SMG5: variants seen among roughly 807,000 people sequenced by gnomAD.
The protein encoded by SMG5 is nonsense-mediated mRNA decay factor SMG5.
Under a neutral mutation model 122.9 loss-of-function variants are expected in SMG5, and 53 were observed. That is an observed-to-expected ratio of 0.43 (90% CI 0.35 to 0.54). The LOEUF is 0.54. SMG5 is among the 20% of genes least tolerant of loss of function. SMG5 has a pLI of 0.01. For missense variants in SMG5, 1,153 were observed against 1,285.6 expected (o/e 0.90, Z 1.58); for synonymous variants, 477 against 490.2 (o/e 0.97, Z 0.35).
chr1:156,276,948 T>G, intron 4 of SMG5, 137 bp downstream of exon 4: 1 of 842,108 alleles, frequency 1.2e-6, no homozygotes, highest in Non-Finnish European at 1.8e-6. Context: ...AAATCCAAAC[T>G]TCATAAACCA....
chr1:156,267,349 A>T lies in SMG5; in HGVS notation c.1117+121T>A, dbSNP rs1048294624. Reference sequence around the variant, plus strand: ...GGCCCTTACTTGCCCACAGCCAAGCAGTGACACAGGAGTGAAGAGGCTGCT... The same window carrying T: ...GGCCCTTACTTGCCCACAGCCAAGCTGTGACACAGGAGTGAAGAGGCTGCT... On this transcript the variant is annotated intron_variant, in intron 10 of 21. Coordinates refer to ENST00000361813, the MANE Select transcript of SMG5 (RefSeq NM_015327.3). The T allele has an allele frequency of 1.1e-5, 11 of 981,084 alleles. No homozygotes were observed. In the South Asian group the frequency reaches 1.7e-4, roughly 15 times the overall value. 60.8% of individuals were successfully genotyped at this position (981,084 alleles called of 1,614,324 possible).
chr1:156,262,191 A>T (rs191858567), intron 13 of SMG5, among the ~76,000 whole-genome samples: 70 of 152,198 alleles, frequency 4.6e-4, no homozygotes, highest in African/African-American at 1.6e-3. Context: ...TCACCAGCTG[A>T]ATGCTTCATG....
intron 20 of SMG5, 191 bp downstream of exon 20, chr1:156,251,212 C>T (rs1022404914): frequency 1.1e-6 from 1 of 897,052 alleles, no homozygotes; most frequent in Admixed American, 2.2e-5. Context: ...AGAGGCTGAC[C>T]CATCTGCAGA....
At chr1:156,286,120 G>C, upstream of SMG5, 3 of 1,391,154 alleles carry the variant, frequency 2.2e-6, no homozygotes, top group Non-Finnish European at 3.0e-6. Flanking sequence ...CAGTCTGCAT[G>C]CCCATCTCCT....
Position 156,252,361 on chromosome 1 carries a change from T to C in SMG5, c.2753+53A>G. 3 of 1,559,888 alleles carry C rather than the reference T, an allele frequency of 1.9e-6. 1 individual carries two copies. The highest frequency in any genetic ancestry group is 1.7e-5 in the Admixed American group (1 of 59,756). On this transcript the variant is annotated intron_variant, in intron 19 of 21. Coordinates refer to ENST00000361813, the MANE Select transcript of SMG5 (RefSeq NM_015327.3). The stretch of plus-strand genomic sequence containing the variant: ...GCAAGGGGCTTTCATAAGCATGTGT[T>C]ATCCAAAAGACAGACCCAGGGCTCA...
At chr1:156,265,602 G>A (rs1284343978) in intron 12 of SMG5, among the ~76,000 whole-genome samples, 179 bp downstream of exon 12, 2 of 152,238 alleles carry the variant, frequency 1.3e-5, no homozygotes, top group Non-Finnish European at 2.9e-5. Flanking sequence ...ATGGGAATAA[G>A]GAAGTGAGCA....
At chr1:156,261,718 T>C (rs1307062313) in intron 13 of SMG5, among the ~76,000 whole-genome samples, 1 of 151,730 alleles carries the variant, frequency 6.6e-6, no homozygotes, top group African/African-American at 2.4e-5. Flanking sequence ...TGAAACCCCA[T>C]CCCTACTAAA....
At chr1:156,285,568 C>T (rs1445978776), upstream of SMG5, 6 of 1,614,110 alleles carry the variant, frequency 3.7e-6, no homozygotes, top group African/African-American at 6.7e-5. Flanking sequence ...AGGAGCTGCC[C>T]GAAGACGATG....
chr1:156,259,438 A>G (rs917906459), intron 15 of SMG5, among the ~76,000 whole-genome samples: 1 of 152,248 alleles, frequency 6.6e-6, no homozygotes, highest in Non-Finnish European at 1.5e-5. Flanking sequence ...AGCAAAGGAC[A>G]CTGGGCTGGA....
rs375296248 is a variant in SMG5, at chr1:156,266,423, G to A, written c.1256-43C>T. 5 of 1,600,958 alleles carry A rather than the reference G, an allele frequency of 3.1e-6. No individual in the cohort carries two copies. In the South Asian group the frequency reaches 4.5e-5, roughly 14 times the overall value. Reference sequence around the variant, plus strand: ...TCAGGTGGAGCCCGAGGAACAGGTGGAGCCTGGAAGCTGGAATGTGCTCTC... The same window carrying A: ...TCAGGTGGAGCCCGAGGAACAGGTGAAGCCTGGAAGCTGGAATGTGCTCTC... On this transcript the variant is annotated intron_variant, in intron 11 of 21. Coordinates refer to ENST00000361813, the MANE Select transcript of SMG5 (RefSeq NM_015327.3).
intron 18 of SMG5, 127 bp from the exon 19 acceptor site, chr1:156,252,631 A>G: frequency 1.0e-6 from 1 of 972,134 alleles, no homozygotes; most frequent in South Asian, 1.6e-5. Context: ...GGCTCCCTAG[A>G]GGGCTCCCAA....
chr1:156,258,997 TG>T lies in SMG5; in HGVS notation c.2442+7del. On this transcript the variant is annotated splice_region_variant and intron_variant, in intron 16 of 21. Transcript: ENST00000361813. The stretch of plus-strand genomic sequence containing the variant: ...CAGAGCTGACGGGGAGGGGAAGGCC[TG>T]ACTCACCATTCGGAACTGTGCCTGG... 6.2e-7 allele frequency: 1 copy of T among 1,613,492 alleles called. No homozygotes were observed.
the SMG5 span, among the ~76,000 whole-genome samples, chr1:156,289,815 T>TC: frequency 6.6e-6 from 1 of 152,166 alleles, no homozygotes; most frequent in Admixed American, 6.5e-5. Context: ...TGCTCTCCCC[T>TC]CCCTCCATTG....
At chr1:156,269,730 C>T (rs1399669228) in intron 7 of SMG5, among the ~76,000 whole-genome samples, 2 of 152,218 alleles carry the variant, frequency 1.3e-5, no homozygotes, top group Admixed American at 1.3e-4. Context: ...AAAAAATTAG[C>T]CGGGCGTGTT....
chr1:156,273,899 G>A (rs898447882), intron 5 of SMG5, among the ~76,000 whole-genome samples: 1 of 151,888 alleles, frequency 6.6e-6, no homozygotes, highest in African/African-American at 2.4e-5. Context: ...AAGGGGAGCT[G>A]CAGCACACAT....
upstream of SMG5, chr1:156,286,328 G>A (rs775951312): frequency 6.2e-6 from 10 of 1,614,082 alleles, no homozygotes; most frequent in Admixed American, 1.0e-4. Context: ...GCCACGGCGG[G>A]AGGTGGAGAT....
At position 156,259,397 on chromosome 1, in the gene SMG5, C is replaced by T. The variant is rs185539110; in HGVS notation, c.2284-234G>A. Among the ~76,000 whole-genome samples, 42 of 152,300 alleles carry T rather than the reference C, an allele frequency of 2.8e-4. No homozygotes were observed. The South Asian group carries it at 5.2e-3, about 19-fold the overall frequency. On this transcript the variant is annotated intron_variant, in intron 15 of 21. Transcript: ENST00000361813. ...ACAGCAAGAAAACTCCTAGGAGGAC[C>T]AGAAAACCAGGACTTGGGCTAAGAA...
chr1:156,266,820 CT>C, intron 10 of SMG5, 142 bp from the exon 11 acceptor site: 1 of 1,014,330 alleles, frequency 9.9e-7, no homozygotes, highest in Non-Finnish European at 1.4e-6. Flanking sequence ...TTTTTTTTAA[CT>C]TTTTAGAGAC....
chr1:156,285,974 A>G (rs1663148050), upstream of SMG5: 3 of 1,605,302 alleles, frequency 1.9e-6, no homozygotes, highest in Non-Finnish European at 2.6e-6. Context: ...CACCTTCCCC[A>G]TTGTGCTGGG....
Sources: gnomAD v4.1 joint callset for allele counts (sites outside exome capture counted in the v4.1 genomes callset) on GRCh38, gnomAD v4.1.1 for gene constraint, MANE v1.5 for transcripts, NCBI Gene and HGNC (gene_info 2026-07-23, HGNC 2026-07-21) for gene names.